FIP1L1: variants seen among roughly 807,000 people sequenced by gnomAD.
FIP1L1 encodes pre-mRNA 3'-end-processing factor FIP1.
A neutral mutation model predicts 84.6 loss-of-function variants in FIP1L1; 21 were observed. The observed-to-expected ratio is 0.25, with a 90% CI of 0.18 to 0.36. The LOEUF is 0.36. FIP1L1 is among the 10% of genes least tolerant of loss of function. The pLI, the probability that FIP1L1 is intolerant of heterozygous loss-of-function variation, is 1.00. For synonymous variants in FIP1L1, 263 were observed against 242.3 expected, an observed-to-expected ratio of 1.09 and a Z score of -0.80; for missense variants, 526 against 751.1, an observed-to-expected ratio of 0.70 and a Z score of 3.50.
chr4:53,448,354 T>A (rs972706494), intron 15 of FIP1L1, among the ~76,000 whole-genome samples: 3 of 152,104 alleles, frequency 2.0e-5, no homozygotes, highest in Non-Finnish European at 4.4e-5. Context: ...GCTAATAAAT[T>A]CCATAATATC....
intron 9 of FIP1L1, among the ~76,000 whole-genome samples, chr4:53,392,610 C>T (rs924468658): frequency 1.6e-4 from 25 of 152,116 alleles, no homozygotes; most frequent in African/African-American, 5.1e-4. Context: ...TCTTAATGAA[C>T]TAGTTCATTA....
At chr4:53,393,884 G>C (rs1745837003) in intron 9 of FIP1L1, among the ~76,000 whole-genome samples, 1 of 148,606 alleles carries the variant, frequency 6.7e-6, no homozygotes, top group Admixed American at 6.9e-5. Flanking sequence ...TTCTCGATTT[G>C]GAAGCACATA....
In FIP1L1 at chr4:53,453,921, A is replaced by T. The variant is rs140742045; in HGVS notation, c.1499+788A>T. ...AATAGTCTCTCTTTAAGAATTGGAA[A>T]TTTTACATTTCTTTTTGTATTCAAA... On this transcript the variant is annotated intron_variant, in intron 16 of 17. Coordinates refer to ENST00000337488, the MANE Select transcript of FIP1L1 (RefSeq NM_030917.4). Among the ~76,000 whole-genome samples the T allele has an allele frequency of 7.4e-3, 1,130 of 152,292 alleles. 17 individuals carry two copies. The highest frequency in any genetic ancestry group is 0.026 in the African/African-American group (1,065 of 41,548).
intron 10 of FIP1L1, among the ~76,000 whole-genome samples, chr4:53,404,928 G>A (rs1210936122): frequency 6.7e-6 from 1 of 150,058 alleles, no homozygotes; most frequent in Non-Finnish European, 1.5e-5. Context: ...AGATGAGTAG[G>A]TTGCGAAAAT....
At position 53,417,738 on chromosome 4, in the gene FIP1L1, AAC is replaced by A. The variant is rs371194870; in HGVS notation, c.923+3041_923+3042del. Among the ~76,000 whole-genome samples the A allele has an allele frequency of 8.4e-4, 59 of 70,392 alleles. 3 individuals carry two copies. The highest frequency in any genetic ancestry group is 8.1e-3 in the Middle Eastern group (1 of 124). The allele number at this position is 70,392 out of a possible 152,430, so 46.2% of individuals were successfully genotyped here. ...CTCTTTGCTACTTTTTCTCTTTTTA[AAC>A]ACACACACACACACACACACACACT... On this transcript the variant is annotated intron_variant, in intron 11 of 17. Coordinates refer to ENST00000337488, the MANE Select transcript of FIP1L1 (RefSeq NM_030917.4).
chr4:53,378,021 G>A, intron 1 of FIP1L1, 98 bp downstream of exon 1: 2 of 1,136,404 alleles, frequency 1.8e-6, no homozygotes, highest in Non-Finnish European at 2.4e-6. Flanking sequence ...CGCCGCTTCG[G>A]GCCTCTGGTT....
chr4:53,408,540 C>G (rs1470716531), intron 10 of FIP1L1, among the ~76,000 whole-genome samples: 2 of 152,132 alleles, frequency 1.3e-5, no homozygotes, highest in African/African-American at 2.4e-5. Flanking sequence ...GAATGTTGGC[C>G]TGCCTTGCTA....
rs549525640 is a variant in FIP1L1, at chr4:53,401,268, G to A, written c.815+1429G>A. Among the ~76,000 whole-genome samples, 10 of 152,040 alleles carry A rather than the reference G, an allele frequency of 6.6e-5. No individual in the cohort carries two copies. The South Asian group carries it at 2.1e-3, about 32-fold the overall frequency. On this transcript the variant is annotated intron_variant, in intron 10 of 17. Transcript: ENST00000337488. ...GCCTTTTGTTTTTTTATTGTTGATT[G>A]GCCTTTCAAAATTTGGGCCAGATTA...
Position 53,404,952 on chromosome 4 carries a change from G to A in FIP1L1, c.815+5113G>A, listed in dbSNP as rs1299422290. Among the ~76,000 whole-genome samples, 53 of 151,442 alleles carry A rather than the reference G, an allele frequency of 3.5e-4. No homozygotes were observed. The East Asian group carries it at 8.7e-3, about 25-fold the overall frequency. On this transcript the variant is annotated intron_variant, in intron 10 of 17. Transcript: ENST00000337488. ...GGTTGCGAAAATTTTCTCCCATTTT[G>A]TAGGTTGCCTGTTCACTCTGATGGT...
intron 15 of FIP1L1, among the ~76,000 whole-genome samples, chr4:53,451,527 A>C (rs1206255546): frequency 6.7e-6 from 1 of 148,834 alleles, no homozygotes. Flanking sequence ...TTTCTCACTG[A>C]TTTTCAAAAA....
intron 11 of FIP1L1, among the ~76,000 whole-genome samples, chr4:53,416,570 A>G (rs1345365628): frequency 6.6e-6 from 1 of 152,242 alleles, no homozygotes; most frequent in Non-Finnish European, 1.5e-5. Context: ...GCCCAAATTC[A>G]CAGCTAGTTA....
At position 53,414,778 on chromosome 4, in the gene FIP1L1, T is replaced by TA. The variant is rs1169022154; in HGVS notation, c.923+57dup. The TA allele has an allele frequency of 4.6e-6, 5 of 1,097,130 alleles. No individual in the cohort carries two copies. The African/African-American group carries it at 7.8e-5, about 17-fold the overall frequency. 68.0% of individuals were successfully genotyped at this position (1,097,130 alleles called of 1,614,324 possible). Reference sequence around the variant, plus strand: ...CTGATGTTTAGATCATCAATGTTGTTATGCCTTATTAGTAAGATAATAAAT... The same window carrying TA: ...CTGATGTTTAGATCATCAATGTTGTTAATGCCTTATTAGTAAGATAATAAAT... On this transcript the variant is annotated intron_variant, in intron 11 of 17. Transcript: ENST00000337488.
intron 3 of FIP1L1, among the ~76,000 whole-genome samples, chr4:53,381,339 C>G (rs1367690153): frequency 2.6e-5 from 4 of 152,076 alleles, no homozygotes; most frequent in Admixed American, 6.5e-5. Flanking sequence ...ATTGCTGAAG[C>G]CTCTGTTTTT....
In FIP1L1 at chr4:53,440,745, T is replaced by C. The variant is rs1435353387; in HGVS notation, c.1175-1908T>C. The C allele has an allele frequency of 1.3e-5, 9 of 672,054 alleles. No homozygotes were observed. In the East Asian group the frequency reaches 2.6e-4, roughly 19 times the overall value. The allele number at this position is 672,054 out of a possible 1,614,324, so 41.6% of individuals were successfully genotyped here. On this transcript the variant is annotated intron_variant, in intron 13 of 17. Transcript: ENST00000337488. The stretch of plus-strand genomic sequence containing the variant: ...GATTTCAAGGTCCTATTTTCAGCTC[T>C]GCCTTTGCTTCATTCCAGTTTTGAT...
At chr4:53,381,753 C>CTTTTTTTTTTTTGTTTTTTTTTTTTTTTT (rs1738074207) in intron 3 of FIP1L1, among the ~76,000 whole-genome samples, 1 of 87,948 alleles carries the variant, frequency 1.1e-5, no homozygotes. Context: ...CATTTGCATT[C>CTTTTTTTTTTTTGTTTTTTTTTTTTTTTT]TTTTTTTTTT....
chr4:53,388,357 T>C (rs1201703383), intron 5 of FIP1L1, among the ~76,000 whole-genome samples: 1 of 140,284 alleles, frequency 7.1e-6, no homozygotes, highest in Non-Finnish European at 1.6e-5. Flanking sequence ...TTTTTTTTTT[T>C]GAGATAGAGT....
At chr4:53,454,058 T>C (rs1051173981) in intron 16 of FIP1L1, among the ~76,000 whole-genome samples, 7 of 152,202 alleles carry the variant, frequency 4.6e-5, no homozygotes, top group African/African-American at 1.7e-4. Flanking sequence ...AACACACTTA[T>C]GTGTTAAGTT....
intron 13 of FIP1L1, among the ~76,000 whole-genome samples, chr4:53,432,398 CAAAAAAAAAAAA>C (rs35596754): frequency 1.3e-4 from 9 of 68,396 alleles, no homozygotes; most frequent in Admixed American, 4.2e-4. Flanking sequence ...AACTCCATCT[CAAAAAAAAAAAA>C]AAAAAAAAAA....
chr4:53,456,701 T>TTA (rs1719223304), intron 16 of FIP1L1, among the ~76,000 whole-genome samples: 1 of 152,116 alleles, frequency 6.6e-6, no homozygotes, highest in Non-Finnish European at 1.5e-5. Flanking sequence ...TGAACTCTAA[T>TTA]AATTTCCAGG....
Sources: gnomAD v4.1 joint callset for allele counts (sites outside exome capture counted in the v4.1 genomes callset) on GRCh38, gnomAD v4.1.1 for gene constraint, MANE v1.5 for transcripts, NCBI Gene and HGNC (gene_info 2026-07-23, HGNC 2026-07-21) for gene names.